The following MEGF10 variants were observed in gnomAD, a reference collection of about 807,000 sequenced individuals.
The protein encoded by MEGF10 is multiple EGF like domains 10, also known as multiple epidermal growth factor-like domains protein 10.
MEGF10 carries 86 observed loss-of-function variants against 147.5 expected under a neutral mutation model. The observed-to-expected ratio is 0.58, with a 90% CI of 0.49 to 0.70. The LOEUF (loss-of-function observed/expected upper bound fraction) is 0.70, where lower values mean the gene tolerates loss of function less well. MEGF10 is among the 30% of genes least tolerant of loss of function. The probability of loss-of-function intolerance (pLI) is 0.00; values close to 1 mark genes in which losing one functional copy is unlikely to be tolerated. For synonymous variants in MEGF10, 478 were observed against 525.5 expected, an observed-to-expected ratio of 0.91 and a Z score of 1.24; for missense variants, 1,329 against 1,487.3, an observed-to-expected ratio of 0.89 and a Z score of 1.75.
At chr5:127,410,688 G>A in intron 9 of MEGF10, 87 bp downstream of exon 9, 1 of 1,236,958 alleles carries the variant, frequency 8.1e-7, no homozygotes, top group Non-Finnish European at 1.1e-6. Context: ...TTGATAGAGT[G>A]ATTCTCACCC....
rs1766320871 is a variant in MEGF10, at chr5:127,455,430, A to G, written c.3055A>G (p.Ser1019Gly). ...DLGKNSEYNS[S>G]NCSLSSSENP... ...GGGAAAGAATTCTGAATATAATTCAAGTAACTGCTCCCTAAGCAGTTCTGA... is the reference window on the plus strand; with the variant it reads ...GGGAAAGAATTCTGAATATAATTCAGGTAACTGCTCCCTAAGCAGTTCTGA... Residue 1019 changes from serine (S) to glycine (G), a missense_variant, in exon 24 of 25, where the codon AGT (serine) becomes GGT (glycine). Physicochemically the swap from Ser to Gly is moderately conservative, Grantham distance 56. Around this residue, in one of 3 missense-constraint regions of MEGF10, gnomAD observed 343 missense variants for 377.9 expected, o/e 0.91. Transcript: ENST00000503335. 1.9e-6 allele frequency: 3 copies of G among 1,614,012 alleles called. No individual in the cohort carries two copies. Among genetic ancestry groups the G allele is most frequent in the African/African-American group, 2.7e-5 (2 of 74,936 alleles).
At chr5:127,428,483 T>TGCTGTACTACACTACACTAC (rs1765282314) in intron 13 of MEGF10, among the ~76,000 whole-genome samples, 1 of 152,158 alleles carries the variant, frequency 6.6e-6, no homozygotes, top group African/African-American at 2.4e-5. Flanking sequence ...CACCACACTA[T>TGCTGTACTACACTACACTAC]GCTGTACTAC....
At chr5:127,376,899 G>A (rs1198545032) in intron 5 of MEGF10, among the ~76,000 whole-genome samples, 1 of 152,174 alleles carries the variant, frequency 6.6e-6, no homozygotes, top group Non-Finnish European at 1.5e-5. Context: ...AATCACCGTG[G>A]TATGGGGCTA....
At chr5:127,314,040 T>G (rs923302020) in intron 1 of MEGF10, among the ~76,000 whole-genome samples, 6 of 152,198 alleles carry the variant, frequency 3.9e-5, no homozygotes, top group Non-Finnish European at 8.8e-5. Flanking sequence ...GGCCCTGAGC[T>G]GAAGCGCCAC....
intron 5 of MEGF10, among the ~76,000 whole-genome samples, chr5:127,375,330 G>A (rs1484809641): frequency 6.6e-6 from 1 of 151,996 alleles, no homozygotes; most frequent in Non-Finnish European, 1.5e-5. Flanking sequence ...TGTTTGCCTT[G>A]GCAGCTGAGG....
At chr5:127,262,682 TTCTC>T in the MEGF10 span, among the ~76,000 whole-genome samples, 65 of 152,302 alleles carry the variant, frequency 4.3e-4, no homozygotes, top group South Asian at 1.4e-3. Context: ...TCTATTTTAT[TTCTC>T]TCATCTCTGT....
chr5:127,234,105 A>G, the MEGF10 span, among the ~76,000 whole-genome samples: 2 of 152,220 alleles, frequency 1.3e-5, no homozygotes, highest in African/African-American at 4.8e-5. Flanking sequence ...GGATTTGTGA[A>G]GCCCCCAGGA....
At chr5:127,262,447 G>A in the MEGF10 span, among the ~76,000 whole-genome samples, 3 of 152,112 alleles carry the variant, frequency 2.0e-5, no homozygotes, top group Admixed American at 2.0e-4. Flanking sequence ...CAGACGTCTA[G>A]CCCCTGTGAT....
chr5:127,379,687 C>T (rs1763179306), intron 5 of MEGF10, among the ~76,000 whole-genome samples: 1 of 150,238 alleles, frequency 6.7e-6, no homozygotes, highest in Admixed American at 6.6e-5. Flanking sequence ...GCAACCCGTG[C>T]CTCCCGGGTT....
Position 127,457,224 on chromosome 5 carries a change from A to G in MEGF10, c.3329A>G (p.His1110Arg), listed in dbSNP as rs928664072. 6.2e-7 allele frequency: 1 copy of G among 1,614,176 alleles called. No individual in the cohort carries two copies. The highest frequency in any genetic ancestry group is 1.1e-5 in the South Asian group (1 of 91,084). ...DLPKNSHIPC[H>R]YDLLPVRDSS... ...CCAAAGAACAGTCACATCCCTTGTC[A>G]TTATGACCTGCTGCCAGTCCGAGAC... The change falls in exon 25 of 25, where the codon CAT (histidine) becomes CGT (arginine). Residue 1110 changes from histidine to arginine, a missense_variant. Coordinates refer to ENST00000503335, the MANE Select transcript of MEGF10 (RefSeq NM_001256545.2).
intron 1 of MEGF10, among the ~76,000 whole-genome samples, chr5:127,299,131 T>C (rs1369103945): frequency 6.6e-6 from 1 of 152,166 alleles, no homozygotes; most frequent in Non-Finnish European, 1.5e-5. Flanking sequence ...ATTGCAGGAC[T>C]TATCTGATTG....
At chr5:127,366,744 C>A (rs1316361589) in intron 4 of MEGF10, among the ~76,000 whole-genome samples, 1 of 152,128 alleles carries the variant, frequency 6.6e-6, no homozygotes, top group Non-Finnish European at 1.5e-5. Flanking sequence ...TCTTGGAATT[C>A]ATTTCATAAA....
At chr5:127,449,009 T>C (rs963251802) in intron 21 of MEGF10, 90 bp from the exon 22 acceptor site, 1 of 1,532,698 alleles carries the variant, frequency 6.5e-7, no homozygotes, top group Non-Finnish European at 8.8e-7. Flanking sequence ...GTCCTCAATA[T>C]GTGCCCTGGA....
chr5:127,342,350 G>C (rs1761715866), intron 4 of MEGF10, among the ~76,000 whole-genome samples: 1 of 152,146 alleles, frequency 6.6e-6, no homozygotes. Context: ...AACATACCAA[G>C]AGAGTACTTC....
At chr5:127,364,011 T>C (rs1284814049) in intron 4 of MEGF10, among the ~76,000 whole-genome samples, 4 of 152,174 alleles carry the variant, frequency 2.6e-5, no homozygotes, top group African/African-American at 7.2e-5. Context: ...TTCAAAGATA[T>C]CCACTTTTTC....
chr5:127,431,613 C>A (rs1765388670), intron 13 of MEGF10, among the ~76,000 whole-genome samples: 1 of 152,128 alleles, frequency 6.6e-6, no homozygotes, highest in Non-Finnish European at 1.5e-5. Flanking sequence ...TGGCATCAGA[C>A]CAAAATGCCC....
chr5:127,363,781 A>G (rs1392275775), intron 4 of MEGF10, among the ~76,000 whole-genome samples: 1 of 152,172 alleles, frequency 6.6e-6, no homozygotes, highest in Non-Finnish European at 1.5e-5. Flanking sequence ...TTGTATTATT[A>G]TTATTACATT....
the MEGF10 span, among the ~76,000 whole-genome samples, chr5:127,271,852 G>A: frequency 1.3e-5 from 2 of 152,242 alleles, no homozygotes; most frequent in East Asian, 1.9e-4. Context: ...CCAGTCTCAG[G>A]TATTTCTTTA....
At chr5:127,307,543 T>C (rs928890217) in intron 1 of MEGF10, among the ~76,000 whole-genome samples, 1 of 152,226 alleles carries the variant, frequency 6.6e-6, no homozygotes, top group Non-Finnish European at 1.5e-5. Flanking sequence ...GCTGTTTCCC[T>C]GGGTGCTCTT....
Sources: gnomAD v4.1 joint callset for allele counts (sites outside exome capture counted in the v4.1 genomes callset) on GRCh38, gnomAD v4.1.1 for gene constraint, gnomAD v4.1.1 regional missense constraint, MANE v1.5 for transcripts, NCBI Gene and HGNC (gene_info 2026-07-23, HGNC 2026-07-21) for gene names.